Variants in AHNAK observed in about 807,000 individuals in gnomAD.
AHNAK encodes neuroblast differentiation-associated protein AHNAK.
A neutral mutation model predicts 37.8 loss-of-function variants in AHNAK; 23 were observed. That is an observed-to-expected ratio of 0.61 (90% CI 0.44 to 0.86). The LOEUF is 0.86. Among genes scored for constraint, AHNAK ranks in the 40% least tolerant of loss-of-function variants. The pLI is 0.00. For missense variants in AHNAK, 7,411 were observed against 7,319.4 expected (o/e 1.01, Z -0.46); for synonymous variants, 2,481 against 2,636.3 (o/e 0.94, Z 1.80).
chr11:62,440,337 A>G (rs1938278022), intron 5 of AHNAK, among the ~76,000 whole-genome samples: 1 of 152,162 alleles, frequency 6.6e-6, no homozygotes, highest in South Asian at 2.1e-4. Flanking sequence ...CAGGCCAAAC[A>G]GGAAGTCAAA....
chr11:62,447,691 T>A (rs1938445302), intron 5 of AHNAK, among the ~76,000 whole-genome samples: 1 of 138,382 alleles, frequency 7.2e-6, no homozygotes, highest in South Asian at 2.2e-4. Flanking sequence ...TCCCTCCTTA[T>A]CAAGTCCGCT....
rs765790397 is a variant in AHNAK, at chr11:62,517,989, G to A, written c.16428C>T (p.Val5476=). The change falls in exon 5 of 5, where the codon GTC becomes GTT. Residue 5476 remains valine, a synonymous_variant. Transcript: ENST00000378024. ...CACCAATGCCTGGAAGACCTCCTCC[G>A]ACAGTGGGGCCTTTGATCTCACCAG... ...GATGEIKGPT[V]GGGLPGIGVQ... 20 of 1,614,030 alleles carry A rather than the reference G, an allele frequency of 1.2e-5. No homozygotes were observed. Among genetic ancestry groups the A allele is most frequent in the Admixed American group, 5.0e-5 (3 of 59,998 alleles).
At chr11:62,468,555 A>G (rs1004451447) in intron 5 of AHNAK, among the ~76,000 whole-genome samples, 1 of 152,162 alleles carries the variant, frequency 6.6e-6, no homozygotes, top group Admixed American at 6.6e-5. Flanking sequence ...TTCATGCTCA[A>G]GTTCCACACC....
At chr11:62,495,104 C>G (rs565996273) in intron 4 of AHNAK, among the ~76,000 whole-genome samples, 1 of 151,984 alleles carries the variant, frequency 6.6e-6, no homozygotes, top group East Asian at 1.9e-4. Flanking sequence ...GAAGTCAAGG[C>G]TACAGTGAGC....
Position 62,522,072 on chromosome 11 carries a change from G to A in AHNAK, c.12345C>T (p.Pro4115=), listed in dbSNP as rs374372340. The A allele has an allele frequency of 1.2e-6, 2 of 1,613,586 alleles. No homozygotes were observed. The highest frequency in any genetic ancestry group is 1.7e-6 in the Non-Finnish European group (2 of 1,179,900). Residue 4115 remains proline (P), a synonymous_variant, in exon 5 of 5, where the codon CCC becomes CCT. Coordinates refer to ENST00000378024, the MANE Select transcript of AHNAK (RefSeq NM_001620.3). ...IHGPEGKLKG[P]KFKMPDLHLK... is the part of the protein sequence containing the mutation. The stretch of plus-strand genomic sequence containing the variant: ...GGTGCAGGTCAGGCATTTTAAATTT[G>A]GGGCCCTTCAGTTTCCCTTCTGGAC...
In AHNAK at chr11:62,522,543, C is replaced by T; in HGVS notation, c.11874G>A (p.Lys3958=). The change falls in exon 5 of 5, where the codon AAG becomes AAA. Residue 3958 remains lysine (K), a synonymous_variant. Transcript: ENST00000378024. ...EGPEVDVNLP[K]ADLDVSGPKV... ...TGGGTCCTGAGACGTCAAGGTCAGC[C>T]TTGGGCAGGTTCACATCCACTTCTG... The T allele has an allele frequency of 1.2e-6, 2 of 1,612,642 alleles. No homozygotes were observed. Among genetic ancestry groups the T allele is most frequent in the African/African-American group, 1.3e-5 (1 of 74,392 alleles).
At chr11:62,484,480 C>T (rs934328933) in intron 5 of AHNAK, among the ~76,000 whole-genome samples, 7 of 152,124 alleles carry the variant, frequency 4.6e-5, no homozygotes, top group African/African-American at 1.7e-4. Flanking sequence ...AGATCTCTTG[C>T]GAGGTGACAT....
At chr11:62,475,602 CTTTTTTT>C (rs55773953) in intron 5 of AHNAK, among the ~76,000 whole-genome samples, 19 of 118,012 alleles carry the variant, frequency 1.6e-4, no homozygotes, top group Admixed American at 6.9e-4. Context: ...TTATGTTATA[CTTTTTTT>C]TTTTTTTTTT....
intron 4 of AHNAK, among the ~76,000 whole-genome samples, chr11:62,495,064 G>A (rs564566566): frequency 7.2e-5 from 11 of 151,936 alleles, no homozygotes; most frequent in East Asian, 1.9e-4. Flanking sequence ...TACTCAGGAG[G>A]CTGAGGTGGG....
chr11:62,524,660 G>A lies in AHNAK; in HGVS notation c.9757C>T (p.Leu3253Phe), dbSNP rs1940402934. 1 of 1,614,180 alleles carries A rather than the reference G, an allele frequency of 6.2e-7. No individual in the cohort carries two copies. Among genetic ancestry groups the A allele is most frequent in the Non-Finnish European group, 8.5e-7 (1 of 1,180,028 alleles). The change falls in exon 5 of 5, where the codon CTT becomes TTT. Residue 3253 changes from leucine to phenylalanine, a missense_variant. Leu to Phe is a conservative substitution (Grantham distance 22). Coordinates refer to ENST00000378024, the MANE Select transcript of AHNAK (RefSeq NM_001620.3). The stretch of plus-strand genomic sequence containing the variant: ...TCTATCTTTGGGCCTTTTATGTCAA[G>A]AGCAGGTCCTTTCAAATCACCTTCT... ...NVEGDLKGPALDIKGPKIDVD... is the reference protein window; with the variant it reads ...NVEGDLKGPAFDIKGPKIDVD...
rs201863947 is a variant in AHNAK at position 62,523,625 on chromosome 11, A to G, written c.10792T>C (p.Trp3598Arg). Reference protein sequence around the residue: ...APDVDVHGPDWHLKMPKVKMP... With the variant: ...APDVDVHGPDRHLKMPKVKMP... ...TTCACTTTGGGCATCTTCAGATGCC[A>G]GTCTGGACCATGAACATCCACATCT... Residue 3598 changes from tryptophan to arginine, a missense_variant, in exon 5 of 5, where the codon TGG becomes CGG. Transcript: ENST00000378024. 193 of 1,614,116 alleles carry G rather than the reference A, an allele frequency of 1.2e-4. No individual in the cohort carries two copies. Among genetic ancestry groups the G allele is most frequent in the Admixed American group, 2.8e-4 (17 of 60,022 alleles).
downstream of AHNAK, among the ~76,000 whole-genome samples, chr11:62,514,902 G>A (rs911887608): frequency 3.3e-5 from 5 of 152,304 alleles, no homozygotes; most frequent in East Asian, 7.7e-4. Flanking sequence ...TGACAAGCTG[G>A]TACTAAACAG....
rs1364971109 is a variant in AHNAK at position 62,530,802 on chromosome 11, T to G, written c.3615A>C (p.Lys1205Asn). 11 of 1,610,030 alleles carry G rather than the reference T, an allele frequency of 6.8e-6. No individual in the cohort carries two copies. Among genetic ancestry groups the G allele is most frequent in the Non-Finnish European group, 9.3e-6 (11 of 1,178,802 alleles). The change falls in exon 5 of 5, where the codon AAA (lysine) becomes AAC (asparagine). Residue 1205 changes from lysine to asparagine, a missense_variant. Lys to Asn is a moderately conservative substitution (Grantham distance 94). Coordinates refer to ENST00000378024, the MANE Select transcript of AHNAK (RefSeq NM_001620.3). ...ISMPDVDLHL[K>N]GPKVKGDVDV... ...CCACATCCCCTTTGACTTTGGGGCC[T>G]TTCAAGTGTAAGTCCACATCAGGCA...
intron 2 of AHNAK, 133 bp downstream of exon 2, chr11:62,536,336 C>A (rs1005691260): frequency 8.9e-6 from 4 of 446,942 alleles, no homozygotes; most frequent in Admixed American, 4.1e-5. Context: ...AAGGAGACAG[C>A]AGAGGCAACT....
chr11:62,478,106 C>A (rs1304403774), intron 5 of AHNAK, among the ~76,000 whole-genome samples: 1 of 152,188 alleles, frequency 6.6e-6, no homozygotes, highest in African/African-American at 2.4e-5. Flanking sequence ...AAGAGCAGAG[C>A]CCCTGGCCTC....
At chr11:62,470,377 T>C (rs1356936791) in intron 5 of AHNAK, among the ~76,000 whole-genome samples, 3 of 146,736 alleles carry the variant, frequency 2.0e-5, no homozygotes, top group African/African-American at 5.1e-5. Flanking sequence ...ACCCGGGAGG[T>C]GGAGGTTGCA....
At position 62,523,257 on chromosome 11, in the gene AHNAK, G is replaced by T; in HGVS notation, c.11160C>A (p.Asn3720Lys). 1 of 1,612,916 alleles carries T rather than the reference G, an allele frequency of 6.2e-7. No individual in the cohort carries two copies. Among genetic ancestry groups the T allele is most frequent in the Middle Eastern group, 1.7e-4 (1 of 6,050 alleles). ...TGAATTTACCCTCTGAGCCTTCGAT[G>T]TTAATGTCAGGAGTGTCAATGTCCA... Reference protein sequence around the residue: ...PKVDIDTPDINIEGSEGKFKG... With the variant: ...PKVDIDTPDIKIEGSEGKFKG... Residue 3720 changes from asparagine (N) to lysine (K), a missense_variant, in exon 5 of 5, where the codon AAC (asparagine) becomes AAA (lysine). By Grantham distance (94) the Asn-to-Lys change is moderately conservative. Coordinates refer to ENST00000378024, the MANE Select transcript of AHNAK (RefSeq NM_001620.3).
In AHNAK at chr11:62,519,427, T is replaced by A. The variant is rs145354148; in HGVS notation, c.14990A>T (p.Asp4997Val). 8.9e-5 allele frequency: 144 copies of A among 1,612,176 alleles called. No homozygotes were observed. In the African/African-American group the frequency reaches 1.8e-3, roughly 21 times the overall value. The part of the protein sequence containing the change: ...PKADIKSPSL[D>V]VTVPEAELNL... ...CAGCTCTGCCTCAGGAACAGTGACA[T>A]CCAGTGAAGGTGACTTGATGTCAGC... Residue 4997 changes from aspartate to valine, a missense_variant, in exon 5 of 5, where the codon GAT (aspartate) becomes GTT (valine). Asp to Val is a radical substitution (Grantham distance 152). Transcript: ENST00000378024.
intron 1 of AHNAK, among the ~76,000 whole-genome samples, chr11:62,544,542 C>T (rs569389874): frequency 1.6e-4 from 25 of 152,290 alleles, no homozygotes; most frequent in Non-Finnish European, 3.1e-4. Context: ...CTCCTAGCTC[C>T]ACTCTTACCC....
Sources: gnomAD v4.1 joint callset for allele counts (sites outside exome capture counted in the v4.1 genomes callset) on GRCh38, gnomAD v4.1.1 for gene constraint, MANE v1.5 for transcripts, NCBI Gene and HGNC (gene_info 2026-07-23, HGNC 2026-07-21) for gene names.